Variants in PPP1R13L observed in about 807,000 individuals in gnomAD.
The protein encoded by PPP1R13L is protein phosphatase 1 regulatory subunit 13 like.
A neutral mutation model predicts 80.9 loss-of-function variants in PPP1R13L; 50 were observed. That is an observed-to-expected ratio of 0.62 (90% CI 0.49 to 0.78). The LOEUF (loss-of-function observed/expected upper bound fraction) is 0.78. Among genes scored for constraint, PPP1R13L ranks in the 30% least tolerant of loss-of-function variants. The pLI is 0.00. For missense variants in PPP1R13L, 1,200 were observed against 1,205.9 expected, an observed-to-expected ratio of 1.00 and a Z score of 0.07; for synonymous variants, 602 against 534.3, an observed-to-expected ratio of 1.13 and a Z score of -1.75.
At position 45,396,110 on chromosome 19, in the gene PPP1R13L, C is replaced by A; in HGVS notation, c.903+58G>T. 1 of 1,528,776 alleles carries A rather than the reference C, an allele frequency of 6.5e-7. No homozygotes were observed. The highest frequency in any genetic ancestry group is 1.4e-5 in the African/African-American group (1 of 72,832). 94.7% of individuals were successfully genotyped at this position (1,528,776 alleles called of 1,614,324 possible). On this transcript the variant is annotated intron_variant, in intron 6 of 12. Transcript: ENST00000360957. This position sits in a 1 kb window ranked among gnomAD's most constrained non-coding sequence, Gnocchi z 5.3. ...GGGGGAGACTGGCCTTGACCCCGCT[C>A]CCCCACCCCACTCCTCGACCTTCCC...
rs553923478 is a variant in PPP1R13L at position 45,396,343 on chromosome 19, T to C, written c.806A>G (p.Tyr269Cys). 1 of 1,614,092 alleles carries C rather than the reference T, an allele frequency of 6.2e-7. No homozygotes were observed. Among genetic ancestry groups the C allele is most frequent in the Admixed American group, 1.7e-5 (1 of 60,022 alleles). The change falls in exon 5 of 13, where the codon TAT (tyrosine) becomes TGT (cysteine). Residue 269 changes from tyrosine to cysteine, a missense_variant. Physicochemically the swap from Tyr to Cys is radical, Grantham distance 194 (BLOSUM62 -2). Coordinates refer to ENST00000360957, the MANE Select transcript of PPP1R13L (RefSeq NM_006663.4). The surrounding 1 kb of genome is among the most constrained non-coding windows in gnomAD (Gnocchi z 5.3). ...YEKKPSQTAS[Y>C]ERLDVFARPA... ...CCCGGGCCTCCACCACTCACGTTCA[T>C]AGCTCGCTGTCTGCGAAGGCTTCTT...
intron 8 of PPP1R13L, among the ~76,000 whole-genome samples, chr19:45,389,907 T>C (rs2123365515): frequency 6.6e-6 from 1 of 151,858 alleles, no homozygotes; most frequent in South Asian, 2.1e-4. Flanking sequence ...GCCATTCTCC[T>C]CTCAGCCTCC....
At chr19:45,387,449 T>C (rs529137506) in intron 8 of PPP1R13L, among the ~76,000 whole-genome samples, 1 of 152,336 alleles carries the variant, frequency 6.6e-6, no homozygotes, top group East Asian at 1.9e-4. Context: ...ATGTTGTGAT[T>C]GCAGAAATGC....
chr19:45,387,327 C>A (rs564148127), intron 8 of PPP1R13L, among the ~76,000 whole-genome samples: 12 of 152,160 alleles, frequency 7.9e-5, no homozygotes, highest in African/African-American at 2.6e-4. Flanking sequence ...ATTTGTGATT[C>A]TGGTCTTTGC....
In PPP1R13L at chr19:45,382,570, G is replaced by A; in HGVS notation, c.2405C>T (p.Ala802Val). 6.2e-7 allele frequency: 1 copy of A among 1,613,398 alleles called. No individual in the cohort carries two copies. The highest frequency in any genetic ancestry group is 8.5e-7 in the Non-Finnish European group (1 of 1,179,892). The change falls in exon 12 of 13, where the codon GCG (alanine) becomes GTG (valine). Residue 802 changes from alanine (A) to valine (V), a missense_variant. Transcript: ENST00000360957. ...CACGTAGCCCTCCTGGCCGTGCAGC[G>A]CGGCCCACCACCAGTCGGTCTCCTC... ...GPEETDWWWA[A>V]LHGQEGYVPR...
intron 1 of PPP1R13L, 30 bp downstream of exon 1, chr19:45,404,969 G>T: frequency 1.0e-6 from 1 of 984,824 alleles, no homozygotes; most frequent in Non-Finnish European, 1.2e-6. Context: ...CTTTTTCAGG[G>T]CCTCTGGTCC....
intron 7 of PPP1R13L, among the ~76,000 whole-genome samples, chr19:45,394,192 C>A (rs577702152): frequency 2.0e-5 from 3 of 152,030 alleles, no homozygotes; most frequent in Non-Finnish European, 4.4e-5. Flanking sequence ...AGTGCAGTGG[C>A]GCTATCACAG....
Position 45,380,064 on chromosome 19 carries a change from G to A in PPP1R13L, c.*126C>T, listed in dbSNP as rs901559414. 4.4e-5 allele frequency: 46 copies of A among 1,034,478 alleles called. 1 individual carries two copies. The highest frequency in any genetic ancestry group is 2.7e-4 in the East Asian group (11 of 40,684). The allele number at this position is 1,034,478 out of a possible 1,614,324, so 64.1% of individuals were successfully genotyped here. On this transcript the variant is annotated 3_prime_UTR_variant, in exon 13 of 13. Coordinates refer to ENST00000360957, the MANE Select transcript of PPP1R13L (RefSeq NM_006663.4). ...TGGACTTCCAGGAGAACAGAGAACC[G>A]GTGGCAAGGACCACCACCAGCAGGG...
chr19:45,396,220 T>A lies in PPP1R13L; in HGVS notation c.851A>T (p.Gln284Leu). The change falls in exon 6 of 13, where the codon CAG (glutamine) becomes CTG (leucine). Residue 284 changes from glutamine to leucine, a missense_variant. This residue lies in a region of PPP1R13L where 764 missense variants were observed against 714.5 expected (regional missense o/e 1.07). Coordinates refer to ENST00000360957, the MANE Select transcript of PPP1R13L (RefSeq NM_006663.4). This position sits in a 1 kb window ranked among gnomAD's most constrained non-coding sequence, Gnocchi z 5.3. Reference protein sequence around the residue: ...VFARPASPSLQLLPWRESSLD... With the variant: ...VFARPASPSLLLLPWRESSLD... ...GCTGCTCTCCCTCCAAGGCAACAGC[T>A]GCAGGCTCGGCGAGGCAGGCCTTGC... The A allele has an allele frequency of 6.2e-7, 1 of 1,612,086 alleles. No individual in the cohort carries two copies. The highest frequency in any genetic ancestry group is 8.5e-7 in the Non-Finnish European group (1 of 1,179,750).
chr19:45,380,014 T>C lies in PPP1R13L; in HGVS notation c.*176A>G, dbSNP rs2123339471. 1.4e-6 allele frequency: 1 copy of C among 698,696 alleles called. No homozygotes were observed. The highest frequency in any genetic ancestry group is 2.4e-6 in the Non-Finnish European group (1 of 415,878). The allele number at this position is 698,696 out of a possible 1,614,324, so 43.3% of individuals were successfully genotyped here. ...CAAGGCTAAGGCAGATTACTAAATT[T>C]AAGGCTGGGGCCCTCCTTCTTCCCT... On this transcript the variant is annotated 3_prime_UTR_variant, in exon 13 of 13. Transcript: ENST00000360957.
At chr19:45,386,668 T>C (rs1371737118) in intron 8 of PPP1R13L, among the ~76,000 whole-genome samples, 5 of 148,716 alleles carry the variant, frequency 3.4e-5, no homozygotes, top group Non-Finnish European at 7.4e-5. Flanking sequence ...TCTCGCTCTG[T>C]CACCCAGGCT....
chr19:45,383,929 A>AT (rs1161014497), intron 11 of PPP1R13L, among the ~76,000 whole-genome samples: 2 of 150,990 alleles, frequency 1.3e-5, no homozygotes, highest in East Asian at 2.0e-4. Flanking sequence ...ACCCGGCTAA[A>AT]TTGTTTTATA....
At position 45,392,263 on chromosome 19, in the gene PPP1R13L, C is replaced by G. The variant is rs141585259; in HGVS notation, c.1432G>C (p.Asp478His). 6.2e-7 allele frequency: 1 copy of G among 1,613,342 alleles called. No individual in the cohort carries two copies. The change falls in exon 8 of 13, where the codon GAT becomes CAT. Residue 478 changes from aspartate to histidine, a missense_variant. Transcript: ENST00000360957. ...GLLTPVLEAG[D>H]VDEGPVARPL... is the part of the protein sequence containing the mutation. ...CTTGCTACAGGGCCTTCATCCACAT[C>G]GCCAGCCTCCAGCACTGGTGTCAGC...
intron 8 of PPP1R13L, among the ~76,000 whole-genome samples, chr19:45,389,730 A>G (rs951427258): frequency 8.5e-5 from 13 of 152,142 alleles, no homozygotes; most frequent in African/African-American, 2.9e-4. Context: ...GAATCACTTT[A>G]ACCCAGGAGG....
intron 12 of PPP1R13L, among the ~76,000 whole-genome samples, chr19:45,381,213 C>A (rs1972757050): frequency 6.6e-6 from 1 of 151,422 alleles, no homozygotes. Context: ...CGCCACCACA[C>A]CCGGCTAACT....
intron 11 of PPP1R13L, 43 bp from the exon 12 acceptor site, chr19:45,382,769 G>A (rs2123346163): frequency 3.7e-6 from 6 of 1,604,628 alleles, no homozygotes; most frequent in Non-Finnish European, 4.3e-6. Context: ...CTGGCCCAGG[G>A]GGTCCAGGAA....
chr19:45,391,774 G>A (rs1972976623), intron 8 of PPP1R13L, 106 bp downstream of exon 8: 4 of 849,898 alleles, frequency 4.7e-6, no homozygotes, highest in East Asian at 6.1e-5. Context: ...ACTCAAAAGA[G>A]GAGAAAACTT....
At chr19:45,383,273 C>T (rs983171069) in intron 11 of PPP1R13L, among the ~76,000 whole-genome samples, 5 of 138,062 alleles carry the variant, frequency 3.6e-5, no homozygotes, top group Admixed American at 3.0e-4. Context: ...GGATTACAGG[C>T]GTGAGCCACC....
chr19:45,391,845 G>A (rs752158835), intron 8 of PPP1R13L, 35 bp downstream of exon 8: 1 of 1,414,406 alleles, frequency 7.1e-7, no homozygotes, highest in Non-Finnish European at 9.3e-7. Context: ...GATTCATGTA[G>A]CAAACATACC....
Sources: allele counts gnomAD v4.1 joint callset (sites outside exome capture counted in the v4.1 genomes callset), GRCh38; gene constraint gnomAD v4.1.1; regional missense constraint gnomAD v4.1.1; non-coding constraint Gnocchi (gnomAD v3.1); transcripts MANE v1.5; gene names NCBI Gene and HGNC (gene_info 2026-07-23, HGNC 2026-07-21).